The following LRP6 variants were observed in gnomAD, a reference collection of about 807,000 sequenced individuals.
LRP6 encodes LDL receptor related protein 6.
In LRP6, 43 loss-of-function variants were observed where a neutral mutation model predicts 184.1. That is an observed-to-expected ratio of 0.23 (90% CI 0.18 to 0.30). The LOEUF (loss-of-function observed/expected upper bound fraction) is 0.30, where lower values mean the gene tolerates loss of function less well. Among genes scored for constraint, LRP6 ranks in the 10% least tolerant of loss-of-function variants. The pLI is 1.00. For missense variants in LRP6, 1,571 were observed against 2,005.3 expected (o/e 0.78, Z 4.14); for synonymous variants, 719 against 684.9 (o/e 1.05, Z -0.78).
intron 17 of LRP6, 85 bp from the exon 18 acceptor site, chr12:12,132,142 T>C (rs1418673781): frequency 2.4e-6 from 2 of 834,340 alleles, no homozygotes; most frequent in Non-Finnish European, 4.2e-6. Flanking sequence ...GTGAAGCTCA[T>C]TTAATAATTA....
intron 2 of LRP6, among the ~76,000 whole-genome samples, chr12:12,239,918 A>C: frequency 6.6e-6 from 1 of 152,126 alleles, no homozygotes; most frequent in East Asian, 1.9e-4. Flanking sequence ...AATACAATTG[A>C]AACTTATTAA....
chr12:12,155,005 G>A (rs138192634), intron 12 of LRP6, among the ~76,000 whole-genome samples: 1,782 of 152,258 alleles, frequency 0.012, 40 homozygotes, highest in African/African-American at 0.04. Flanking sequence ...AGACCAGCCT[G>A]GCCAACATGG....
chr12:12,228,423 A>G (rs1790708015), intron 2 of LRP6, among the ~76,000 whole-genome samples: 1 of 152,172 alleles, frequency 6.6e-6, no homozygotes, highest in African/African-American at 2.4e-5. Flanking sequence ...AAAGGTAACA[A>G]GTAGATGTCT....
chr12:12,264,333 A>C (rs1865703865), intron 1 of LRP6, among the ~76,000 whole-genome samples: 2 of 152,200 alleles, frequency 1.3e-5, no homozygotes, highest in Admixed American at 1.3e-4. Flanking sequence ...ACCAGTAAAG[A>C]AACTGAGACC....
rs971522347 is a variant in LRP6, at chr12:12,210,343, C to T, written c.450-6943G>A. Among the ~76,000 whole-genome samples, 11 of 152,232 alleles carry T rather than the reference C, an allele frequency of 7.2e-5. No homozygotes were observed. The East Asian group carries it at 1.9e-3, about 27-fold the overall frequency. ...ATGTGTGTGTATTGGTGTCATTCAA[C>T]ATAATATGGAATTAGATGTGGTTTG... On this transcript the variant is annotated intron_variant, in intron 2 of 22. Coordinates refer to ENST00000261349, the MANE Select transcript of LRP6 (RefSeq NM_002336.3).
intron 5 of LRP6, among the ~76,000 whole-genome samples, chr12:12,181,648 T>C (rs1863349047): frequency 6.6e-6 from 1 of 152,198 alleles, no homozygotes. Flanking sequence ...TGGCTAACTC[T>C]CCAAATTAAG....
intron 2 of LRP6, among the ~76,000 whole-genome samples, chr12:12,215,137 A>ACCC (rs1864307935): frequency 6.6e-6 from 1 of 152,050 alleles, no homozygotes. Flanking sequence ...CCTAGACCAA[A>ACCC]CCCCTGGTGT....
chr12:12,163,632 G>C lies in LRP6; in HGVS notation c.2052+641C>G, dbSNP rs569644581. On this transcript the variant is annotated intron_variant, in intron 9 of 22. Transcript: ENST00000261349. ...TAAAATTTTGTTTAAAGTAAATCAC[G>C]AATTTTTTTTTAAAGTAAATCAACA... Among the ~76,000 whole-genome samples the C allele has an allele frequency of 2.4e-3, 365 of 152,168 alleles. 1 individual carries two copies. Among genetic ancestry groups the C allele is most frequent in the African/African-American group, 8.5e-3 (353 of 41,516 alleles).
chr12:12,164,958 CG>C (rs946966393), intron 8 of LRP6, 120 bp downstream of exon 8: 7 of 225,488 alleles, frequency 3.1e-5, no homozygotes, highest in African/African-American at 3.4e-5. Flanking sequence ...AAAAAAAAGG[CG>C]GGGGGGCAGT....
chr12:12,164,919 TAAAAAAAAAAAAAAAAAAA>T lies in LRP6; in HGVS notation c.1762+141_1762+159del, dbSNP rs58540250. Among the ~76,000 whole-genome samples the T allele has an allele frequency of 3.6e-3, 207 of 57,102 alleles. 2 individuals are homozygous for T. Among genetic ancestry groups the T allele is most frequent in the Admixed American group, 7.7e-3 (37 of 4,778 alleles). The allele number at this position is 57,102 out of a possible 152,430, so 37.5% of individuals were successfully genotyped here. ...CAACGTTTAAAAGGTCCCTTCTCAG[TAAAAAAAAAAAAAAAAAAA>T]AAAAAAAAAAAAAAAAAGGCGGGGG... On this transcript the variant is annotated intron_variant, in intron 8 of 22. Transcript: ENST00000261349.
rs1185807836 is a variant in LRP6, at chr12:12,125,394, T to C, written c.4351A>G (p.Ile1451Val). ...GGGGGTCCACTGCTTCCCCCCATGATACTGAGGGAGCTGATCATTGATTTA... is the reference window on the plus strand; with the variant it reads ...GGGGGTCCACTGCTTCCCCCCATGACACTGAGGGAGCTGATCATTGATTTA... ...RGKSMISSLS[I>V]MGGSSGPPYD... The change falls in exon 21 of 23, where the codon ATC (isoleucine) becomes GTC (valine). Residue 1451 changes from isoleucine to valine, a missense_variant. Ile to Val is a conservative substitution (Grantham distance 29, BLOSUM62 3). This residue lies in a region of LRP6 where 763 missense variants were observed against 859.5 expected (regional missense o/e 0.89). Transcript: ENST00000261349. The C allele has an allele frequency of 3.1e-6, 5 of 1,613,872 alleles. No individual in the cohort carries two copies. The highest frequency in any genetic ancestry group is 4.2e-6 in the Non-Finnish European group (5 of 1,179,914).
At chr12:12,139,009 T>TA in intron 15 of LRP6, 2 of 1,317,918 alleles carry the variant, frequency 1.5e-6, no homozygotes, top group Non-Finnish European at 2.0e-6. Flanking sequence ...ATCTCAGACA[T>TA]AGAGTCATCC....
intron 7 of LRP6, among the ~76,000 whole-genome samples, chr12:12,166,564 A>C (rs992665664): frequency 1.3e-5 from 2 of 152,160 alleles, no homozygotes; most frequent in African/African-American, 4.8e-5. Flanking sequence ...CTTACATTTA[A>C]TAAATTACGC....
At chr12:12,124,807 A>G in intron 21 of LRP6, 145 bp from the exon 22 acceptor site, 1 of 631,970 alleles carries the variant, frequency 1.6e-6, no homozygotes, top group South Asian at 2.1e-5. Context: ...ATTGACCTCA[A>G]ACAGTACTTT....
At position 12,211,962 on chromosome 12, in the gene LRP6, G is replaced by A. The variant is rs192717329; in HGVS notation, c.450-8562C>T. Among the ~76,000 whole-genome samples the A allele has an allele frequency of 9.2e-5, 14 of 152,148 alleles. No homozygotes were observed. The East Asian group carries it at 1.2e-3, about 13-fold the overall frequency. On this transcript the variant is annotated intron_variant, in intron 2 of 22. Coordinates refer to ENST00000261349, the MANE Select transcript of LRP6 (RefSeq NM_002336.3). ...GAATCAAAGGTGATGCATTTTGAGC[G>A]CCTCTAAGTTTAATAAAAATGAAAT...
intron 2 of LRP6, among the ~76,000 whole-genome samples, chr12:12,214,050 A>G (rs974478214): frequency 7.9e-5 from 12 of 152,026 alleles, no homozygotes; most frequent in South Asian, 4.1e-4. Context: ...CTTCTCTTAG[A>G]CTTTTACCAT....
intron 3 of LRP6, chr12:12,187,384 CAG>C: frequency 6.3e-6 from 3 of 474,366 alleles, no homozygotes; most frequent in Non-Finnish European, 1.2e-5. Context: ...AGATACCCGG[CAG>C]AGAGAGAGCA....
At chr12:12,164,940 A>G in intron 8 of LRP6, 139 bp downstream of exon 8, 1 of 406,558 alleles carries the variant, frequency 2.5e-6, no homozygotes, top group Non-Finnish European at 4.4e-6. Flanking sequence ...AAAAAAAAAA[A>G]AAAAAAAAAA....
At chr12:12,160,632 G>C (rs1422549597) in intron 10 of LRP6, among the ~76,000 whole-genome samples, 1 of 152,114 alleles carries the variant, frequency 6.6e-6, no homozygotes, top group East Asian at 1.9e-4. Context: ...TAATTACTTT[G>C]CTGTTATTTT....
Sources: gnomAD v4.1 joint callset for allele counts (sites outside exome capture counted in the v4.1 genomes callset) on GRCh38, gnomAD v4.1.1 for gene constraint, gnomAD v4.1.1 regional missense constraint, MANE v1.5 for transcripts, NCBI Gene and HGNC (gene_info 2026-07-23, HGNC 2026-07-21) for gene names.